TMCC1: variants seen among roughly 807,000 people sequenced by gnomAD.
TMCC1 encodes transmembrane and coiled-coil domain family 1.
A neutral mutation model predicts 52.4 loss-of-function variants in TMCC1; 15 were observed. The observed-to-expected ratio is 0.29, with a 90% CI of 0.19 to 0.44. The LOEUF is 0.44. Among genes scored for constraint, TMCC1 ranks in the 20% least tolerant of loss-of-function variants. The probability of loss-of-function intolerance (pLI) is 1.00; values close to 1 mark genes in which losing one functional copy is unlikely to be tolerated. For synonymous variants in TMCC1, 279 were observed against 301.9 expected (o/e 0.92, Z 0.79); for missense variants, 503 against 806.0 (o/e 0.62, Z 4.55).
intron 4 of TMCC1, among the ~76,000 whole-genome samples, chr3:129,805,686 A>G (rs1035066121): frequency 6.6e-5 from 10 of 152,076 alleles, no homozygotes; most frequent in African/African-American, 2.4e-4. Context: ...TAATCCCAAT[A>G]CTTTGGGAGG....
intron 2 of TMCC1, among the ~76,000 whole-genome samples, chr3:129,837,594 T>C (rs1018023634): frequency 4.6e-5 from 7 of 152,192 alleles, no homozygotes; most frequent in African/African-American, 1.4e-4. Flanking sequence ...TCTCCTGTCA[T>C]ATACAGCACA....
intron 4 of TMCC1, among the ~76,000 whole-genome samples, chr3:129,785,598 C>CACAT (rs1383175414): frequency 2.0e-5 from 3 of 148,756 alleles, no homozygotes; most frequent in African/African-American, 7.3e-5. Flanking sequence ...CACACACACA[C>CACAT]ACATACACAC....
chr3:129,871,408 ATTACACCCACCTTG>A (rs1239451462), intron 2 of TMCC1, among the ~76,000 whole-genome samples: 1 of 151,110 alleles, frequency 6.6e-6, no homozygotes, highest in East Asian at 1.9e-4. Flanking sequence ...TTACATTTCT[ATTACACCCACCTTG>A]ACACTTTCAT....
chr3:129,853,065 A>G (rs1209104061), intron 2 of TMCC1, among the ~76,000 whole-genome samples: 1 of 152,192 alleles, frequency 6.6e-6, no homozygotes, highest in African/African-American at 2.4e-5. Context: ...ACAACTACTG[A>G]TTCAATCATT....
intron 4 of TMCC1, among the ~76,000 whole-genome samples, chr3:129,743,360 T>G (rs763880673): frequency 1.3e-5 from 2 of 152,170 alleles, no homozygotes; most frequent in Non-Finnish European, 2.9e-5. Context: ...AATGATCAAC[T>G]AAGAATTCTA....
intron 4 of TMCC1, among the ~76,000 whole-genome samples, chr3:129,750,455 G>C (rs1301163483): frequency 1.3e-5 from 2 of 151,880 alleles, no homozygotes; most frequent in Non-Finnish European, 2.9e-5. Context: ...CCCTCCCAAA[G>C]TGCTGGGATT....
intron 4 of TMCC1, among the ~76,000 whole-genome samples, chr3:129,724,461 G>A (rs557890330): frequency 1.3e-4 from 20 of 152,260 alleles, no homozygotes; most frequent in African/African-American, 3.9e-4. Context: ...TGGGCACTAC[G>A]ACCTAGCTGA....
At chr3:129,805,430 C>T (rs369238995) in intron 4 of TMCC1, among the ~76,000 whole-genome samples, 169 of 152,108 alleles carry the variant, frequency 1.1e-3, no homozygotes, top group African/African-American at 3.4e-3. Flanking sequence ...CCTAAAGTGC[C>T]GGGATTACAG....
At chr3:129,842,684 A>T (rs551793878) in intron 2 of TMCC1, among the ~76,000 whole-genome samples, 1 of 152,330 alleles carries the variant, frequency 6.6e-6, no homozygotes, top group East Asian at 1.9e-4. Context: ...GATAAATAAA[A>T]ATACAAAGTA....
At chr3:129,708,654 G>A (rs536907041) in intron 4 of TMCC1, among the ~76,000 whole-genome samples, 1 of 152,302 alleles carries the variant, frequency 6.6e-6, no homozygotes, top group South Asian at 2.1e-4. Flanking sequence ...TTTAGCCCAG[G>A]AATTAATGAA....
intron 2 of TMCC1, among the ~76,000 whole-genome samples, chr3:129,833,236 T>A (rs2059002088): frequency 6.6e-6 from 1 of 152,012 alleles, no homozygotes; most frequent in Admixed American, 6.6e-5. Context: ...TTTTTTCAAG[T>A]AGTTTCCTAA....
intron 2 of TMCC1, among the ~76,000 whole-genome samples, chr3:129,866,152 T>A (rs1282165733): frequency 6.6e-6 from 1 of 151,534 alleles, no homozygotes; most frequent in Non-Finnish European, 1.5e-5. Context: ...AAACTTACGA[T>A]TATGAAATAA....
At chr3:129,875,569 A>G (rs2061162847) in intron 2 of TMCC1, among the ~76,000 whole-genome samples, 1 of 151,806 alleles carries the variant, frequency 6.6e-6, no homozygotes, top group East Asian at 1.9e-4. Context: ...GACCACTAAC[A>G]AGTCTTGGCC....
intron 2 of TMCC1, among the ~76,000 whole-genome samples, chr3:129,861,492 G>C (rs946863619): frequency 6.6e-6 from 1 of 152,046 alleles, no homozygotes; most frequent in Non-Finnish European, 1.5e-5. Context: ...CCTTTCAAGT[G>C]ATTTATAATC....
intron 4 of TMCC1, among the ~76,000 whole-genome samples, chr3:129,675,265 A>G (rs905135616): frequency 6.6e-6 from 1 of 152,272 alleles, no homozygotes; most frequent in African/African-American, 2.4e-5. Context: ...GGAAAGGCAC[A>G]AATCCAACAA....
chr3:129,683,538 C>G (rs1292904195), intron 4 of TMCC1, among the ~76,000 whole-genome samples: 1 of 152,108 alleles, frequency 6.6e-6, no homozygotes, highest in African/African-American at 2.4e-5. Context: ...TTACCTGTAA[C>G]CGAATAAAAA....
In TMCC1 at chr3:129,651,375, C is replaced by T. The variant is rs2108836848; in HGVS notation, c.*106G>A. The T allele has an allele frequency of 8.3e-7, 1 of 1,198,602 alleles. No homozygotes were observed. Among genetic ancestry groups the T allele is most frequent in the Non-Finnish European group, 1.2e-6 (1 of 852,798 alleles). 74.2% of individuals were successfully genotyped at this position (1,198,602 alleles called of 1,614,324 possible). On this transcript the variant is annotated 3_prime_UTR_variant, in exon 7 of 7. Transcript: ENST00000393238. The surrounding 1 kb of genome is among the most constrained non-coding windows in gnomAD (Gnocchi z 5.1). The stretch of plus-strand genomic sequence containing the variant: ...TATTCTAAATGTAAACAGATTCACT[C>T]AACTCTTTTTTTGTTGTAGAAAACT...
intron 2 of TMCC1, among the ~76,000 whole-genome samples, chr3:129,845,998 C>A (rs1489344407): frequency 1.3e-5 from 2 of 151,562 alleles, no homozygotes; most frequent in Non-Finnish European, 1.5e-5. Context: ...CACATCACTG[C>A]ACTTCAACCT....
rs113176201 is a variant in TMCC1, at chr3:129,773,055, T to C, written c.576+54748A>G. Among the ~76,000 whole-genome samples, 372 of 152,216 alleles carry C rather than the reference T, an allele frequency of 2.4e-3. 1 individual carries two copies. Among genetic ancestry groups the C allele is most frequent in the Middle Eastern group, 0.01 (3 of 294 alleles). Reference sequence around the variant, plus strand: ...CTGGCAAAGACTATAAAAATGTACATAAACAAGCCTATTCACTGTAATAGT... The same window carrying C: ...CTGGCAAAGACTATAAAAATGTACACAAACAAGCCTATTCACTGTAATAGT... On this transcript the variant is annotated intron_variant, in intron 4 of 6. Transcript: ENST00000393238.
Sources: gnomAD v4.1 joint callset for allele counts (sites outside exome capture counted in the v4.1 genomes callset) on GRCh38, gnomAD v4.1.1 for gene constraint, Gnocchi (gnomAD v3.1) non-coding constraint, MANE v1.5 for transcripts, NCBI Gene and HGNC (gene_info 2026-07-23, HGNC 2026-07-21) for gene names.